SPECC1L: variants seen among roughly 807,000 people sequenced by gnomAD.
The protein encoded by SPECC1L is cytospin-A.
Under a neutral mutation model 116.8 loss-of-function variants are expected in SPECC1L, and 40 were observed. The observed-to-expected ratio is 0.34, with a 90% confidence interval of 0.27 to 0.45. The LOEUF is 0.45. SPECC1L is among the 20% of genes least tolerant of loss of function. SPECC1L has a pLI of 1.00. For missense variants in SPECC1L, 1,110 were observed against 1,373.6 expected (o/e 0.81, Z 3.03); for synonymous variants, 504 against 500.6 (o/e 1.01, Z -0.09).
intron 16 of SPECC1L, among the ~76,000 whole-genome samples, 195 bp from the exon 17 acceptor site, chr22:24,414,339 G>C (rs1322672877): frequency 6.6e-6 from 1 of 152,194 alleles, no homozygotes; most frequent in Admixed American, 6.5e-5. Flanking sequence ...CTGGGGCAGG[G>C]GTGGATGGCC....
rs565974941 is a variant in SPECC1L, at chr22:24,293,874, T to G, written c.-37-8321T>G. Among the ~76,000 whole-genome samples, 19 of 78,280 alleles carry G rather than the reference T, an allele frequency of 2.4e-4. No individual in the cohort carries two copies. In the South Asian group the frequency reaches 8.9e-3, roughly 37 times the overall value. 51.4% of individuals were successfully genotyped at this position (78,280 alleles called of 152,430 possible). On this transcript the variant is annotated intron_variant, in intron 2 of 16. Transcript: ENST00000314328. ...GGTACTTTTATTTTGAACATAAAGC[T>G]TAGATTAAGGGAGAGCAAAGACATT...
rs1013245949 is a variant in SPECC1L, at chr22:24,335,132, TGTTG to T, written c.2560+560_2560+563del. On this transcript the variant is annotated intron_variant, in intron 9 of 16. Coordinates refer to ENST00000314328, the MANE Select transcript of SPECC1L (RefSeq NM_015330.6). ...CATCTAGTCCATTACTAGCAAATTC[TGTTG>T]ATACAGCCTACATCATGGATATCTT... Among the ~76,000 whole-genome samples the T allele has an allele frequency of 2.7e-4, 41 of 152,332 alleles. 1 individual carries two copies. Among genetic ancestry groups the T allele is most frequent in the African/African-American group, 9.6e-4 (40 of 41,578 alleles).
intron 11 of SPECC1L, among the ~76,000 whole-genome samples, chr22:24,362,397 C>G (rs1352587948): frequency 6.6e-6 from 1 of 152,140 alleles, no homozygotes; most frequent in Non-Finnish European, 1.5e-5. Flanking sequence ...CCCAAGACAG[C>G]TTGTGTTTAG....
chr22:24,399,527 C>T (rs556124914), intron 14 of SPECC1L, among the ~76,000 whole-genome samples: 11 of 151,838 alleles, frequency 7.2e-5, no homozygotes, highest in African/African-American at 1.7e-4. Context: ...CTGAGATCCG[C>T]GCCACTGCAC....
At chr22:24,390,856 T>TTTTTTTCTTTTTC (rs2042250235) in intron 14 of SPECC1L, among the ~76,000 whole-genome samples, 1 of 98,196 alleles carries the variant, frequency 1.0e-5, no homozygotes, top group African/African-American at 4.0e-5. Context: ...GTGTTCCTTT[T>TTTTTTTCTTTTTC]TTTTTTTTTT....
chr22:24,300,887 A>G (rs536818032), intron 2 of SPECC1L, among the ~76,000 whole-genome samples: 10 of 152,350 alleles, frequency 6.6e-5, no homozygotes, highest in African/African-American at 2.2e-4. Context: ...TATTCATTAA[A>G]TGGTACTGGG....
Position 24,363,939 on chromosome 22 carries a change from GAGTGGGGGCAGC to G in SPECC1L, c.2827+599_2827+610del, listed in dbSNP as rs1437685474. ...GCGGTGGGGGTGGGGGTGGGGGTGG[GAGTGGGGGCAGC>G]AGTTTTTAGTAATCAGGGGAAAACA... is the stretch of plus-strand genomic sequence containing the variant. On this transcript the variant is annotated intron_variant, in intron 12 of 16. Coordinates refer to ENST00000314328, the MANE Select transcript of SPECC1L (RefSeq NM_015330.6). Among the ~76,000 whole-genome samples, 7 of 108,648 alleles carry G rather than the reference GAGTGGGGGCAGC, an allele frequency of 6.4e-5. No individual in the cohort carries two copies. The Admixed American group carries it at 6.7e-4, about 10-fold the overall frequency. The allele number at this position is 108,648 out of a possible 152,430, so 71.3% of individuals were successfully genotyped here.
At chr22:24,314,230 T>C (rs1463995333) in intron 4 of SPECC1L, among the ~76,000 whole-genome samples, 3 of 151,752 alleles carry the variant, frequency 2.0e-5, no homozygotes, top group Admixed American at 6.6e-5. Context: ...TTTGTATTTT[T>C]AGTAGAGACA....
At chr22:24,327,227 G>A (rs1382082767) in intron 6 of SPECC1L, among the ~76,000 whole-genome samples, 2 of 118,404 alleles carry the variant, frequency 1.7e-5, no homozygotes, top group African/African-American at 3.2e-5. Context: ...GCAGTGAGCT[G>A]AAATCATGCC....
At chr22:24,408,753 G>C (rs1021353106) in intron 14 of SPECC1L, among the ~76,000 whole-genome samples, 4 of 152,266 alleles carry the variant, frequency 2.6e-5, no homozygotes, top group Non-Finnish European at 4.4e-5. Flanking sequence ...TGGGTCTGCT[G>C]TCCTTTGGAA....
rs188152161 is a variant in SPECC1L at position 24,378,580 on chromosome 22, G to T, written c.3087+9260G>T. Among the ~76,000 whole-genome samples the T allele has an allele frequency of 1.1e-4, 16 of 152,318 alleles. No homozygotes were observed. The East Asian group carries it at 3.1e-3, about 29-fold the overall frequency. On this transcript the variant is annotated intron_variant, in intron 14 of 16. Transcript: ENST00000314328. ...TTCTAGATTTTGATTTAAAGTGAAAGATGTGCGAGTCTTCCTTTTACTTGA... is the reference window on the plus strand; with the variant it reads ...TTCTAGATTTTGATTTAAAGTGAAATATGTGCGAGTCTTCCTTTTACTTGA...
chr22:24,322,981 A>C, intron 5 of SPECC1L, 63 bp downstream of exon 5: 1 of 1,594,156 alleles, frequency 6.3e-7, no homozygotes, highest in Non-Finnish European at 8.5e-7. Flanking sequence ...CACAGTGTTT[A>C]CTGAGAACCT....
intron 11 of SPECC1L, among the ~76,000 whole-genome samples, chr22:24,361,706 G>A (rs1040551580): frequency 2.0e-5 from 3 of 152,106 alleles, no homozygotes; most frequent in African/African-American, 7.2e-5. Flanking sequence ...TGAGGCAGGA[G>A]GATCACTTGA....
chr22:24,321,309 G>A lies in SPECC1L; in HGVS notation c.329G>A (p.Arg110Gln), dbSNP rs202112942. 88 of 1,613,912 alleles carry A rather than the reference G, an allele frequency of 5.5e-5. No homozygotes were observed. The highest frequency in any genetic ancestry group is 9.3e-5 in the African/African-American group (7 of 74,902). ...ATAGGCACAGCTTCTTCAACCAAGC[G>A]GAGCACTTCTACAGGTAATAAAGAA... Reference protein sequence around the residue: ...ISTGTASSTKRSTSTGNKESS... With the variant: ...ISTGTASSTKQSTSTGNKESS... The change falls in exon 5 of 17, where the codon CGG becomes CAG. Residue 110 changes from arginine to glutamine, a missense_variant. Physicochemically the swap from Arg to Gln is conservative, Grantham distance 43 (BLOSUM62 1). Coordinates refer to ENST00000314328, the MANE Select transcript of SPECC1L (RefSeq NM_015330.6).
chr22:24,288,339 C>G (rs1251092099), intron 2 of SPECC1L, among the ~76,000 whole-genome samples: 2 of 152,018 alleles, frequency 1.3e-5, no homozygotes, highest in African/African-American at 4.8e-5. Context: ...TCTGTAGCAC[C>G]TTGCCTCCCA....
At chr22:24,324,116 G>A in intron 5 of SPECC1L, 104 bp from the exon 6 acceptor site, 1 of 898,308 alleles carries the variant, frequency 1.1e-6, no homozygotes, top group South Asian at 1.4e-5. Flanking sequence ...TATCCATAGT[G>A]CCTCATACTT....
At chr22:24,290,165 T>C (rs2049130376) in intron 2 of SPECC1L, among the ~76,000 whole-genome samples, 1 of 152,246 alleles carries the variant, frequency 6.6e-6, no homozygotes, top group Non-Finnish European at 1.5e-5. Context: ...CTTGAGACTT[T>C]CTTAACTGGT....
At chr22:24,327,790 T>G (rs1469361532) in intron 6 of SPECC1L, among the ~76,000 whole-genome samples, 3 of 152,188 alleles carry the variant, frequency 2.0e-5, no homozygotes, top group Non-Finnish European at 2.9e-5. Flanking sequence ...TCACATGGCT[T>G]CTTCTGCCTT....
intron 2 of SPECC1L, among the ~76,000 whole-genome samples, chr22:24,289,637 G>T (rs946289624): frequency 1.3e-5 from 2 of 151,818 alleles, no homozygotes; most frequent in African/African-American, 4.8e-5. Context: ...GCCAAAACAA[G>T]TGGGAATACA....
Sources: allele counts gnomAD v4.1 joint callset (sites outside exome capture counted in the v4.1 genomes callset), GRCh38; gene constraint gnomAD v4.1.1; transcripts MANE v1.5; gene names NCBI Gene and HGNC (gene_info 2026-07-23, HGNC 2026-07-21).